The following TENM2 variants were observed in gnomAD, a reference collection of about 807,000 sequenced individuals.
TENM2 encodes teneurin transmembrane protein 2, also known as teneurin-2.
In TENM2, 52 loss-of-function variants were observed where a neutral mutation model predicts 245.2. The observed-to-expected ratio is 0.21, with a 90% CI of 0.17 to 0.27. TENM2 has a LOEUF of 0.27. Among genes scored for constraint, TENM2 ranks in the 10% least tolerant of loss-of-function variants. The pLI, the probability that TENM2 is intolerant of heterozygous loss-of-function variation, is 1.00. For synonymous variants in TENM2, 1,363 were observed against 1,438.9 expected (o/e 0.95, Z 1.19); for missense variants, 3,046 against 3,666.8 (o/e 0.83, Z 4.37).
intron 9 of TENM2, among the ~76,000 whole-genome samples, chr5:168,115,949 G>A (rs933547528): frequency 2.6e-5 from 4 of 152,126 alleles, no homozygotes; most frequent in Non-Finnish European, 4.4e-5. Context: ...ATGTGCACAC[G>A]CCTGCCATCC....
chr5:167,680,828 G>A (rs1283586066), intron 2 of TENM2, among the ~76,000 whole-genome samples: 4 of 152,104 alleles, frequency 2.6e-5, no homozygotes, highest in Non-Finnish European at 4.4e-5. Flanking sequence ...GTTTTTTATA[G>A]GCATTTTTTA....
chr5:168,227,498 C>G (rs991964659), intron 24 of TENM2, among the ~76,000 whole-genome samples: 1 of 122,816 alleles, frequency 8.1e-6, no homozygotes, highest in Admixed American at 8.0e-5. Flanking sequence ...AGGAGGAAAA[C>G]TGAAGTCATT....
intron 1 of TENM2, among the ~76,000 whole-genome samples, chr5:167,347,743 C>T (rs910340281): frequency 6.6e-6 from 1 of 151,992 alleles, no homozygotes; most frequent in African/African-American, 2.4e-5. Flanking sequence ...CTCCTCCTGT[C>T]CTATCAATCT....
At chr5:167,833,512 G>A (rs1410829991) in intron 2 of TENM2, among the ~76,000 whole-genome samples, 1 of 152,198 alleles carries the variant, frequency 6.6e-6, no homozygotes, top group Non-Finnish European at 1.5e-5. Context: ...ACAAATTCTA[G>A]TGAAGAAAGT....
At chr5:168,194,875 T>G (rs1432955317) in intron 14 of TENM2, among the ~76,000 whole-genome samples, 2 of 152,016 alleles carry the variant, frequency 1.3e-5, no homozygotes, top group Non-Finnish European at 2.9e-5. Context: ...CACCTGGGAA[T>G]GATGAGGGAC....
rs369284276 is a variant in TENM2, at chr5:168,125,001, G to A, written c.2160G>A (p.Thr720=). 7.1e-5 allele frequency: 115 copies of A among 1,610,674 alleles called. No homozygotes were observed. In the Admixed American group the frequency reaches 8.0e-4, roughly 11 times the overall value. ...GGCATGGCACGTACCTGCCTGACAC[G>A]GGCCTCTGCAGCTGCGATCCCAACT... is the stretch of plus-strand genomic sequence containing the variant. The change falls in exon 11 of 29, where the codon ACG becomes ACA. Residue 720 remains threonine (T), a synonymous_variant. Coordinates refer to ENST00000518659, the Ensembl canonical transcript of TENM2.
At chr5:167,735,130 A>C (rs1349838300) in intron 2 of TENM2, among the ~76,000 whole-genome samples, 1 of 152,218 alleles carries the variant, frequency 6.6e-6, no homozygotes, top group Non-Finnish European at 1.5e-5. Context: ...ATTGCTTTGA[A>C]GTTCCATTGC....
chr5:167,749,095 A>G (rs1428879993), intron 2 of TENM2, among the ~76,000 whole-genome samples: 1 of 152,146 alleles, frequency 6.6e-6, no homozygotes, highest in Non-Finnish European at 1.5e-5. Flanking sequence ...AATTAGACAT[A>G]CTGGTTTCAT....
chr5:167,540,881 AG>A (rs773534240), intron 2 of TENM2, among the ~76,000 whole-genome samples: 17 of 152,336 alleles, frequency 1.1e-4, no homozygotes, highest in South Asian at 6.2e-4. Context: ...TCTGACTTAT[AG>A]TAGATAAAGA....
chr5:167,257,705 AT>A, the TENM2 span, among the ~76,000 whole-genome samples: 2 of 152,088 alleles, frequency 1.3e-5, no homozygotes, highest in African/African-American at 2.4e-5. Context: ...AATCAGTATA[AT>A]TTTTTTCTAA....
chr5:167,527,584 G>C (rs905661671), intron 2 of TENM2, among the ~76,000 whole-genome samples: 6 of 152,158 alleles, frequency 3.9e-5, no homozygotes, highest in African/African-American at 1.4e-4. Flanking sequence ...TTTTTTCTTA[G>C]AGCATTTCTT....
chr5:167,524,288 T>C (rs1337054573), intron 2 of TENM2, among the ~76,000 whole-genome samples: 1 of 152,162 alleles, frequency 6.6e-6, no homozygotes, highest in Non-Finnish European at 1.5e-5. Flanking sequence ...TTTTCTCATC[T>C]GAAAAATAGG....
intron 2 of TENM2, among the ~76,000 whole-genome samples, chr5:167,570,332 A>G (rs1018904836): frequency 6.6e-6 from 1 of 150,478 alleles, no homozygotes; most frequent in Admixed American, 6.6e-5. Context: ...TGACCAATCA[A>G]TAACTATTGG....
chr5:167,994,269 C>T (rs1299650966), intron 5 of TENM2, among the ~76,000 whole-genome samples: 2 of 152,236 alleles, frequency 1.3e-5, no homozygotes, highest in Admixed American at 6.5e-5. Context: ...GTTCCCAACA[C>T]GTATGCTGAA....
At chr5:168,195,222 C>T in exon 15 of TENM2, 1 of 1,608,516 alleles carries the variant, frequency 6.2e-7, no homozygotes, top group Non-Finnish European at 8.5e-7. Flanking sequence ...AGATGGAACT[C>T]CCCTGGTCGG....
intron 2 of TENM2, among the ~76,000 whole-genome samples, chr5:167,873,501 A>G (rs1773158882): frequency 6.6e-6 from 1 of 152,130 alleles, no homozygotes; most frequent in Non-Finnish European, 1.5e-5. Flanking sequence ...TCTGGGTCTC[A>G]GTTTCCTCAT....
chr5:167,100,362 G>T, the TENM2 span, among the ~76,000 whole-genome samples: 1 of 152,078 alleles, frequency 6.6e-6, no homozygotes, highest in South Asian at 2.1e-4. Flanking sequence ...GATGTCTCCT[G>T]GTCCCGAGAG....
intron 5 of TENM2, among the ~76,000 whole-genome samples, chr5:168,001,285 A>G (rs1478739345): frequency 2.6e-5 from 4 of 152,236 alleles, no homozygotes; most frequent in African/African-American, 9.6e-5. Context: ...TAAGCCCTCT[A>G]GCAGGAATCT....
At chr5:167,476,903 G>T (rs1274595922) in intron 2 of TENM2, among the ~76,000 whole-genome samples, 1 of 152,084 alleles carries the variant, frequency 6.6e-6, no homozygotes, top group Non-Finnish European at 1.5e-5. Context: ...CCAGCCAATA[G>T]CTGATTTCTT....
Sources: allele counts gnomAD v4.1 joint callset (sites outside exome capture counted in the v4.1 genomes callset), GRCh38; gene constraint gnomAD v4.1.1; transcripts MANE v1.5; gene names NCBI Gene and HGNC (gene_info 2026-07-23, HGNC 2026-07-21).